The following RBL1 variants were observed in gnomAD, a reference collection of about 807,000 sequenced individuals.
The protein encoded by RBL1 is retinoblastoma-like protein 1.
In RBL1, 82 loss-of-function variants were observed where a neutral mutation model predicts 123.0. The ratio of observed to expected loss-of-function variants is 0.67; its 90% CI spans 0.56 to 0.80. The LOEUF is 0.80. RBL1 is among the 30% of genes least tolerant of loss of function. The pLI, the probability that RBL1 is intolerant of heterozygous loss-of-function variation, is 0.00. For missense variants in RBL1, 1,171 were observed against 1,299.6 expected, an observed-to-expected ratio of 0.90 and a Z score of 1.52; for synonymous variants, 405 against 441.3, an observed-to-expected ratio of 0.92 and a Z score of 1.03.
In RBL1 at chr20:37,003,845, G is replaced by A. The variant is rs771772898; in HGVS notation, c.2893C>T (p.Pro965Ser). ...DHMMDAPPLS[P>S]FPHIKQQPGS... is the part of the protein sequence containing the mutation. ...GGCTGTTGTTTAATATGTGGAAAAGGAGAGAGTGGTGGAGCATCCATCTAA... is the reference window on the plus strand; with the variant it reads ...GGCTGTTGTTTAATATGTGGAAAAGAAGAGAGTGGTGGAGCATCCATCTAA... Residue 965 changes from proline (P) to serine (S), a missense_variant, in exon 21 of 22, where the codon CCT (proline) becomes TCT (serine). Physicochemically the swap from Pro to Ser is moderately conservative, Grantham distance 74 (BLOSUM62 -1). Coordinates refer to ENST00000373664, the MANE Select transcript of RBL1 (RefSeq NM_002895.5). 2 of 1,613,284 alleles carry A rather than the reference G, an allele frequency of 1.2e-6. No individual in the cohort carries two copies. The highest frequency in any genetic ancestry group is 2.2e-5 in the East Asian group (1 of 44,876).
chr20:37,088,517 G>T (rs149084550), intron 2 of RBL1, among the ~76,000 whole-genome samples: 105 of 152,194 alleles, frequency 6.9e-4, no homozygotes, highest in African/African-American at 2.4e-3. Flanking sequence ...GAAAGGCAGA[G>T]AAAGAATATG....
intron 20 of RBL1, 50 bp downstream of exon 20, chr20:37,007,361 A>G (rs781762246): frequency 1.7e-5 from 27 of 1,572,100 alleles, no homozygotes; most frequent in African/African-American, 2.7e-5. Context: ...ACTTATAGTA[A>G]TCCAACTATG....
rs771205369 is a variant in RBL1 at position 37,035,504 on chromosome 20, C to T, written c.1908G>A (p.Met636Ile). 1.3e-5 allele frequency: 20 copies of T among 1,550,898 alleles called. No homozygotes were observed. The East Asian group carries it at 3.9e-4, about 30-fold the overall frequency. Reference protein sequence around the residue: ...RTDSGSLRRDMQPLSPISVHE... With the variant: ...RTDSGSLRRDIQPLSPISVHE... ...GGACAGAAATTGGAGACAATGGTTG[C>T]ATATCTAAAAAAAAATAATAAATTT... The change falls in exon 15 of 22, where the codon ATG becomes ATA. Residue 636 changes from methionine (M) to isoleucine (I), a missense_variant. Physicochemically the swap from Met to Ile is conservative, Grantham distance 10. Coordinates refer to ENST00000373664, the MANE Select transcript of RBL1 (RefSeq NM_002895.5).
At chr20:37,008,869 A>C (rs1239232500) in intron 19 of RBL1, among the ~76,000 whole-genome samples, 1 of 152,118 alleles carries the variant, frequency 6.6e-6, no homozygotes, top group Non-Finnish European at 1.5e-5. Context: ...TGGTTAAATA[A>C]AGTTGAGGAA....
intron 11 of RBL1, among the ~76,000 whole-genome samples, chr20:37,050,175 AT>A (rs1600531474): frequency 6.6e-6 from 1 of 152,194 alleles, no homozygotes; most frequent in East Asian, 1.9e-4. Flanking sequence ...TTTAGAGAAC[AT>A]GAAAGAGAAA....
intron 13 of RBL1, among the ~76,000 whole-genome samples, chr20:37,043,439 C>T (rs979741587): frequency 7.3e-5 from 11 of 151,016 alleles, no homozygotes; most frequent in African/African-American, 9.7e-5. Context: ...TGCAGTGAGC[C>T]GAGACTGTGC....
At chr20:37,004,014 C>A in intron 20 of RBL1, 148 bp from the exon 21 acceptor site, 2 of 521,370 alleles carry the variant, frequency 3.8e-6, no homozygotes, top group Non-Finnish European at 3.0e-6. Flanking sequence ...TGATCCTTTA[C>A]TTCTTCTTTT....
chr20:37,068,158 T>C lies in RBL1; in HGVS notation c.319A>G (p.Lys107Glu). Residue 107 changes from lysine (K) to glutamate (E), a missense_variant, in exon 3 of 22, where the codon AAA becomes GAA. Lys to Glu is a moderately conservative substitution (Grantham distance 56). Coordinates refer to ENST00000373664, the MANE Select transcript of RBL1 (RefSeq NM_002895.5). Reference sequence around the variant, plus strand: ...GGTAGATTTGACATGTCCATCCATTTCTTCATTTTACTAAAAAATTGTATT... The same window carrying C: ...GGTAGATTTGACATGTCCATCCATTCCTTCATTTTACTAAAAAATTGTATT... ...SLIQFFSKMK[K>E]WMDMSNLPQE... The C allele has an allele frequency of 6.3e-7, 1 of 1,597,002 alleles. No individual in the cohort carries two copies. The highest frequency in any genetic ancestry group is 8.5e-7 in the Non-Finnish European group (1 of 1,174,810).
intron 20 of RBL1, among the ~76,000 whole-genome samples, chr20:37,005,317 A>T (rs1450064918): frequency 6.6e-6 from 1 of 151,808 alleles, no homozygotes. Context: ...TGAGTTACAG[A>T]ATTGCCTGAA....
chr20:37,021,569 C>A (rs2064340976), intron 17 of RBL1, among the ~76,000 whole-genome samples: 2 of 151,916 alleles, frequency 1.3e-5, no homozygotes, highest in African/African-American at 2.4e-5. Flanking sequence ...CTCAGCCTCC[C>A]GAGTAGCTAG....
At chr20:37,029,078 T>C (rs181004460) in intron 16 of RBL1, among the ~76,000 whole-genome samples, 1 of 152,240 alleles carries the variant, frequency 6.6e-6, no homozygotes, top group African/African-American at 2.4e-5. Flanking sequence ...TAACACACCA[T>C]ATTAAAAGGA....
chr20:37,085,740 G>A (rs984952461), intron 2 of RBL1, among the ~76,000 whole-genome samples: 2 of 127,436 alleles, frequency 1.6e-5, no homozygotes, highest in African/African-American at 3.0e-5. Flanking sequence ...TATAAGCGCC[G>A]CCTCCTGGGT....
chr20:37,068,787 G>C (rs913283988), intron 2 of RBL1, among the ~76,000 whole-genome samples: 1 of 152,216 alleles, frequency 6.6e-6, no homozygotes, highest in African/African-American at 2.4e-5. Context: ...CACAGCCTGA[G>C]CAACATGAAG....
intron 1 of RBL1, among the ~76,000 whole-genome samples, chr20:37,093,370 G>A (rs954778918): frequency 4.7e-5 from 7 of 149,026 alleles, no homozygotes; most frequent in African/African-American, 1.2e-4. Context: ...GGCTGGGCTC[G>A]GTGGCTCATG....
In RBL1 at chr20:37,095,960, C is replaced by T. The variant is rs1388742511; in HGVS notation, c.-32G>A. 4.8e-6 allele frequency: 7 copies of T among 1,459,560 alleles called. No individual in the cohort carries two copies. The highest frequency in any genetic ancestry group is 6.4e-6 in the Non-Finnish European group (7 of 1,096,218). 90.4% of individuals were successfully genotyped at this position (1,459,560 alleles called of 1,614,324 possible). On this transcript the variant is annotated 5_prime_UTR_variant, in exon 1 of 22. Transcript: ENST00000373664. ...AGGCCCCGCGGGCTGCGCGCCACGGCCCCCGACTTCTTTCTCCCTCCCAGG... is the reference window on the plus strand; with the variant it reads ...AGGCCCCGCGGGCTGCGCGCCACGGTCCCCGACTTCTTTCTCCCTCCCAGG...
chr20:37,067,129 A>AT lies in RBL1; in HGVS notation c.557-9_557-8insA. On this transcript the variant is annotated splice_polypyrimidine_tract_variant and intron_variant, in intron 4 of 21. Transcript: ENST00000373664. ...CAATCATCCGAAAATTACCTTTATAAGGGAAAAAAAAAAAAAAAAGACACA... is the reference window on the plus strand; with the variant it reads ...CAATCATCCGAAAATTACCTTTATAATGGGAAAAAAAAAAAAAAAAGACACA... 1 of 1,565,544 alleles carries AT rather than the reference A, an allele frequency of 6.4e-7. No individual in the cohort carries two copies. The highest frequency in any genetic ancestry group is 8.6e-7 in the Non-Finnish European group (1 of 1,163,604).
intron 10 of RBL1, 104 bp downstream of exon 10, chr20:37,056,042 A>T: frequency 6.8e-7 from 1 of 1,476,498 alleles, no homozygotes; most frequent in South Asian, 1.3e-5. Context: ...GTCTCAAAAA[A>T]AAAAAAGAAA....
In RBL1 at chr20:37,089,137, A is replaced by T. The variant is rs1347019309; in HGVS notation, c.157-15T>A. 6.3e-7 allele frequency: 1 copy of T among 1,587,908 alleles called. No homozygotes were observed. The highest frequency in any genetic ancestry group is 2.3e-5 in the East Asian group (1 of 43,756). ...GTAACTTCTCCCTGGCAAGCAAAAGACAAACAGCAAAACAGGTATAATATT... is the reference window on the plus strand; with the variant it reads ...GTAACTTCTCCCTGGCAAGCAAAAGTCAAACAGCAAAACAGGTATAATATT... On this transcript the variant is annotated splice_polypyrimidine_tract_variant and intron_variant, in intron 1 of 21. Coordinates refer to ENST00000373664, the MANE Select transcript of RBL1 (RefSeq NM_002895.5).
chr20:37,027,853 C>T (rs1031419213), intron 16 of RBL1, among the ~76,000 whole-genome samples: 3 of 152,144 alleles, frequency 2.0e-5, no homozygotes, highest in African/African-American at 7.2e-5. Flanking sequence ...ATCATGGGCT[C>T]ATGTTATCCT....
Sources: gnomAD v4.1 joint callset for allele counts (sites outside exome capture counted in the v4.1 genomes callset) on GRCh38, gnomAD v4.1.1 for gene constraint, MANE v1.5 for transcripts, NCBI Gene and HGNC (gene_info 2026-07-23, HGNC 2026-07-21) for gene names.